OSBPL6: variants seen among roughly 807,000 people sequenced by gnomAD.
The protein encoded by OSBPL6 is oxysterol-binding protein-related protein 6.
OSBPL6 carries 49 observed loss-of-function variants against 125.8 expected under a neutral mutation model. The observed-to-expected ratio is 0.39, with a 90% confidence interval of 0.31 to 0.49. The LOEUF is 0.49. Ranked by LOEUF, OSBPL6 falls within the 20% of genes least tolerant of loss-of-function variation. OSBPL6 has a pLI of 0.88. For synonymous variants in OSBPL6, 394 were observed against 391.8 expected (o/e 1.01, Z -0.07); for missense variants, 986 against 1,135.4 (o/e 0.87, Z 1.89).
At chr2:178,322,593 A>C (rs1267745717) in intron 3 of OSBPL6, among the ~76,000 whole-genome samples, 4 of 152,178 alleles carry the variant, frequency 2.6e-5, no homozygotes, top group Admixed American at 6.5e-5. Flanking sequence ...ATGAATAAAT[A>C]ACGTATTTCA....
At chr2:178,318,683 C>T (rs761205433) in intron 3 of OSBPL6, among the ~76,000 whole-genome samples, 1 of 152,188 alleles carries the variant, frequency 6.6e-6, no homozygotes, top group African/African-American at 2.4e-5. Flanking sequence ...ACGTTGACAG[C>T]TCTCTCACCA....
intron 15 of OSBPL6, among the ~76,000 whole-genome samples, chr2:178,381,175 C>T (rs573173992): frequency 6.6e-6 from 1 of 152,282 alleles, no homozygotes; most frequent in East Asian, 1.9e-4. Flanking sequence ...CTCTGATGTT[C>T]TATCTTATCT....
chr2:178,301,709 G>A (rs956062182), intron 2 of OSBPL6, among the ~76,000 whole-genome samples: 5 of 151,968 alleles, frequency 3.3e-5, no homozygotes, highest in African/African-American at 1.2e-4. Flanking sequence ...GACTCGTTTT[G>A]GCCAATAAAA....
intron 20 of OSBPL6, 149 bp from the exon 21 acceptor site, chr2:178,388,860 C>T: frequency 1.2e-6 from 1 of 824,804 alleles, no homozygotes; most frequent in Non-Finnish European, 1.8e-6. Context: ...ATCGTAAATA[C>T]TTAATGACCA....
At chr2:178,345,370 A>G (rs1690600339) in intron 11 of OSBPL6, among the ~76,000 whole-genome samples, 1 of 152,222 alleles carries the variant, frequency 6.6e-6, no homozygotes, top group Non-Finnish European at 1.5e-5. Context: ...GTGGCTTTCT[A>G]CTTTATGATT....
chr2:178,237,379 C>G (rs1433568246), intron 1 of OSBPL6, among the ~76,000 whole-genome samples: 1 of 151,896 alleles, frequency 6.6e-6, no homozygotes, highest in Non-Finnish European at 1.5e-5. Context: ...CTCAAATTCT[C>G]TGCATTCTTA....
intron 13 of OSBPL6, among the ~76,000 whole-genome samples, chr2:178,369,218 G>T (rs1335901613): frequency 6.6e-6 from 1 of 152,142 alleles, no homozygotes; most frequent in African/African-American, 2.4e-5. Flanking sequence ...AAGGACACAG[G>T]TGATAAAACT....
intron 2 of OSBPL6, among the ~76,000 whole-genome samples, chr2:178,297,171 A>G (rs1224871339): frequency 6.6e-6 from 1 of 152,132 alleles, no homozygotes; most frequent in Non-Finnish European, 1.5e-5. Context: ...TTTTAGGACA[A>G]CTGAGAGATT....
intron 12 of OSBPL6, among the ~76,000 whole-genome samples, chr2:178,358,192 T>C (rs1691997486): frequency 6.6e-6 from 1 of 152,158 alleles, no homozygotes; most frequent in Non-Finnish European, 1.5e-5. Context: ...GTACCAAACC[T>C]GCACGTTGTG....
intron 21 of OSBPL6, 49 bp downstream of exon 21, chr2:178,389,202 T>C: frequency 6.4e-7 from 1 of 1,565,172 alleles, no homozygotes; most frequent in Non-Finnish European, 8.7e-7. Flanking sequence ...AAAATGCTTC[T>C]TAAAGAAGAA....
At chr2:178,222,883 T>C (rs1374096103) in intron 1 of OSBPL6, among the ~76,000 whole-genome samples, 1 of 152,262 alleles carries the variant, frequency 6.6e-6, no homozygotes, top group African/African-American at 2.4e-5. Context: ...TATATTCCTG[T>C]AAATCATTTA....
chr2:178,335,926 A>C (rs1467989993), intron 8 of OSBPL6, among the ~76,000 whole-genome samples: 2 of 152,240 alleles, frequency 1.3e-5, no homozygotes, highest in Admixed American at 6.5e-5. Context: ...TCATAAGGGT[A>C]CAGAAACCTT....
intron 15 of OSBPL6, 143 bp downstream of exon 15, chr2:178,374,170 A>C: frequency 9.8e-7 from 1 of 1,023,666 alleles, no homozygotes; most frequent in Non-Finnish European, 1.4e-6. Flanking sequence ...ATTGCAGCAA[A>C]GCTAAAAGCA....
At chr2:178,355,048 G>C (rs1046055330) in intron 12 of OSBPL6, among the ~76,000 whole-genome samples, 11 of 152,126 alleles carry the variant, frequency 7.2e-5, no homozygotes, top group Admixed American at 6.5e-4. Flanking sequence ...TGAGAACAAA[G>C]ACACAACTTA....
chr2:178,329,653 C>T (rs553877169), intron 5 of OSBPL6, among the ~76,000 whole-genome samples: 46 of 152,198 alleles, frequency 3.0e-4, no homozygotes, highest in African/African-American at 1.1e-3. Context: ...TCTCAAACTC[C>T]TGACCTCATG....
rs952125467 is a variant in OSBPL6 at position 178,399,947 on chromosome 2, A to G, written c.*4388A>G. ...CTTCAAATTGGTAAGAAAAAAACAT[A>G]AAACAAAAATGTTCTTATTTTCTGC... On this transcript the variant is annotated 3_prime_UTR_variant, in exon 25 of 25. Coordinates refer to ENST00000190611, the MANE Select transcript of OSBPL6 (RefSeq NM_032523.4). 1 of 152,208 alleles carries G rather than the reference A, an allele frequency of 6.6e-6. No homozygotes were observed. The highest frequency in any genetic ancestry group is 1.5e-5 in the Non-Finnish European group (1 of 68,032). 9.4% of individuals were successfully genotyped at this position (152,208 alleles called of 1,614,324 possible).
At chr2:178,377,695 C>T (rs949092629) in intron 15 of OSBPL6, among the ~76,000 whole-genome samples, 6 of 152,194 alleles carry the variant, frequency 3.9e-5, no homozygotes, top group African/African-American at 7.2e-5. Flanking sequence ...AAGCACTTCC[C>T]GCAGAGATCC....
chr2:178,328,740 A>C (rs531379212), intron 5 of OSBPL6, among the ~76,000 whole-genome samples: 92 of 152,212 alleles, frequency 6.0e-4, no homozygotes, highest in African/African-American at 1.9e-3. Flanking sequence ...CGCCCACCTC[A>C]GCCTCACAAA....
intron 1 of OSBPL6, chr2:178,230,426 T>C (rs1399804420): frequency 6.6e-6 from 1 of 152,198 alleles, no homozygotes; most frequent in Non-Finnish European, 1.5e-5. Context: ...TATTTCATAG[T>C]CTCTGATCTT....
Sources: allele counts gnomAD v4.1 joint callset (sites outside exome capture counted in the v4.1 genomes callset), GRCh38; gene constraint gnomAD v4.1.1; transcripts MANE v1.5; gene names NCBI Gene and HGNC (gene_info 2026-07-23, HGNC 2026-07-21).